The following SLC25A21 variants were observed in gnomAD, a reference collection of about 807,000 sequenced individuals.
SLC25A21 encodes solute carrier family 25 member 21.
Under a neutral mutation model 43.8 loss-of-function variants are expected in SLC25A21, and 47 were observed. That is an observed-to-expected ratio of 1.07 (90% CI 0.85 to 1.37). The LOEUF (loss-of-function observed/expected upper bound fraction) is 1.37, where lower values mean the gene tolerates loss of function less well. Ranked by LOEUF, SLC25A21 falls within the 40% of genes most tolerant of loss-of-function variation. The pLI is 0.00. For missense variants in SLC25A21, 352 were observed against 350.2 expected (o/e 1.00, Z -0.04); for synonymous variants, 131 against 121.3 (o/e 1.08, Z -0.52).
In SLC25A21 at chr14:37,155,980, G is replaced by A. The variant is rs562320180; in HGVS notation, c.70+16301C>T. Among the ~76,000 whole-genome samples the A allele has an allele frequency of 2.0e-5, 3 of 151,944 alleles. No homozygotes were observed. In the South Asian group the frequency reaches 6.2e-4, roughly 32 times the overall value. On this transcript the variant is annotated intron_variant, in intron 1 of 9. Coordinates refer to ENST00000331299, the MANE Select transcript of SLC25A21 (RefSeq NM_030631.4). Reference sequence around the variant, plus strand: ...TTGAGACCAGCCTGGCCAATATGACGAAACCCTGTCTCTACTAAAAATACA... The same window carrying A: ...TTGAGACCAGCCTGGCCAATATGACAAAACCCTGTCTCTACTAAAAATACA...
intron 7 of SLC25A21, among the ~76,000 whole-genome samples, chr14:36,688,718 TAATAAAAATAA>T (rs1375274416): frequency 6.6e-6 from 1 of 152,270 alleles, no homozygotes; most frequent in Non-Finnish European, 1.5e-5. Context: ...GTAACAATTT[TAATAAAAATAA>T]ACGTTGATTG....
rs571884650 is a variant in SLC25A21 at position 36,802,170 on chromosome 14, ACTAT to A, written c.203+11744_203+11747del. 1.4e-4 allele frequency among the ~76,000 whole-genome samples: 22 copies of A among 152,286 alleles called. No homozygotes were observed. The East Asian group carries it at 2.9e-3, about 20-fold the overall frequency. On this transcript the variant is annotated intron_variant, in intron 3 of 9. Coordinates refer to ENST00000331299, the MANE Select transcript of SLC25A21 (RefSeq NM_030631.4). ...TACCATGGGTGTCGTAAATTTTCTTACTATCTGTTTTGATTTGATTATACATTTT... is the reference window on the plus strand; with the variant it reads ...TACCATGGGTGTCGTAAATTTTCTTACTGTTTTGATTTGATTATACATTTT...
chr14:36,933,209 C>T (rs912742345), intron 1 of SLC25A21, among the ~76,000 whole-genome samples: 3 of 152,140 alleles, frequency 2.0e-5, no homozygotes, highest in Admixed American at 6.6e-5. Context: ...ACAAGATATA[C>T]AGTCTGTGTC....
At chr14:36,997,458 T>C (rs1349147062) in intron 1 of SLC25A21, among the ~76,000 whole-genome samples, 1 of 152,180 alleles carries the variant, frequency 6.6e-6, no homozygotes. Context: ...TAGTTAAGAA[T>C]AAATATTACT....
intron 1 of SLC25A21, among the ~76,000 whole-genome samples, chr14:36,952,570 G>C (rs1304128402): frequency 6.6e-6 from 1 of 151,988 alleles, no homozygotes; most frequent in Non-Finnish European, 1.5e-5. Flanking sequence ...TCCTGAGCAA[G>C]GACAAATGAC....
At chr14:37,011,505 C>A (rs536570162) in intron 1 of SLC25A21, among the ~76,000 whole-genome samples, 1 of 152,262 alleles carries the variant, frequency 6.6e-6, no homozygotes, top group African/African-American at 2.4e-5. Context: ...AAACATTCTA[C>A]TTTTACATAT....
intron 3 of SLC25A21, among the ~76,000 whole-genome samples, chr14:36,781,402 T>G (rs753799859): frequency 8.5e-5 from 13 of 152,184 alleles, no homozygotes; most frequent in Non-Finnish European, 1.8e-4. Flanking sequence ...CTTTGTTCCT[T>G]TTTACATCTT....
rs1214969920 is a variant in SLC25A21, at chr14:36,976,548, C to A, written c.71-101544G>T. 4.7e-5 allele frequency among the ~76,000 whole-genome samples: 7 copies of A among 149,570 alleles called. No individual in the cohort carries two copies. In the South Asian group the frequency reaches 8.4e-4, roughly 18 times the overall value. On this transcript the variant is annotated intron_variant, in intron 1 of 9. Transcript: ENST00000331299. ...GCCATGGCCTGTAGATAAAAAAAAA[C>A]AAAACAAAACAAATGCAAAGTGCCT...
chr14:37,021,586 T>A (rs1045941721), intron 1 of SLC25A21, among the ~76,000 whole-genome samples: 1 of 151,994 alleles, frequency 6.6e-6, no homozygotes, highest in Non-Finnish European at 1.5e-5. Context: ...ATGATTCTTC[T>A]GTGCAGACTT....
At chr14:37,161,860 G>A (rs1963946565) in intron 1 of SLC25A21, among the ~76,000 whole-genome samples, 2 of 151,764 alleles carry the variant, frequency 1.3e-5, no homozygotes, top group African/African-American at 2.4e-5. Flanking sequence ...CTACTCGGCA[G>A]GCTGAGGCAG....
intron 1 of SLC25A21, among the ~76,000 whole-genome samples, chr14:36,935,718 G>A (rs887631506): frequency 6.6e-6 from 1 of 152,064 alleles, no homozygotes; most frequent in South Asian, 2.1e-4. Flanking sequence ...GGTGGGATGG[G>A]CATCTTTCAA....
At chr14:36,800,869 C>T (rs1306656884) in intron 3 of SLC25A21, among the ~76,000 whole-genome samples, 1 of 152,104 alleles carries the variant, frequency 6.6e-6, no homozygotes, top group Non-Finnish European at 1.5e-5. Context: ...TTCTAAGGCC[C>T]TGTAACTTTT....
intron 2 of SLC25A21, among the ~76,000 whole-genome samples, chr14:36,849,431 T>C (rs1316205974): frequency 1.3e-5 from 2 of 152,224 alleles, no homozygotes; most frequent in East Asian, 3.8e-4. Context: ...AGGGCTTATA[T>C]ATTTATGTTT....
chr14:37,164,420 C>T (rs1963998149), intron 1 of SLC25A21, among the ~76,000 whole-genome samples: 1 of 152,148 alleles, frequency 6.6e-6, no homozygotes, highest in African/African-American at 2.4e-5. Context: ...TAAAGGCTCA[C>T]CTGTTTCAGT....
At chr14:36,901,843 T>C (rs771555950) in intron 1 of SLC25A21, among the ~76,000 whole-genome samples, 4 of 152,236 alleles carry the variant, frequency 2.6e-5, no homozygotes, top group Non-Finnish European at 2.9e-5. Flanking sequence ...AACTTCCTGT[T>C]CTTCATTCTG....
At chr14:36,894,528 T>C (rs1216119556) in intron 1 of SLC25A21, among the ~76,000 whole-genome samples, 1 of 152,068 alleles carries the variant, frequency 6.6e-6, no homozygotes, top group Non-Finnish European at 1.5e-5. Flanking sequence ...GAATACCCTT[T>C]ATTTCCTTCT....
chr14:36,706,402 T>C (rs1277137421), intron 7 of SLC25A21, among the ~76,000 whole-genome samples: 1 of 152,168 alleles, frequency 6.6e-6, no homozygotes, highest in Admixed American at 6.6e-5. Context: ...TCAAGGTCAT[T>C]CCACCAGTAA....
intron 3 of SLC25A21, among the ~76,000 whole-genome samples, chr14:36,798,369 G>A (rs1887745531): frequency 6.6e-6 from 1 of 152,134 alleles, no homozygotes; most frequent in Non-Finnish European, 1.5e-5. Context: ...TAAGAAGTGT[G>A]AAGAAACCTG....
rs560991234 is a variant in SLC25A21, at chr14:37,028,137, C to T, written c.70+144144G>A. On this transcript the variant is annotated intron_variant, in intron 1 of 9. Transcript: ENST00000331299. ...CTGTAAATATTTTTTTGTAAGGAGA[C>T]GTGTGTATAAACAGCAAACAATGAA... 1.3e-4 allele frequency among the ~76,000 whole-genome samples: 19 copies of T among 151,932 alleles called. No homozygotes were observed. In the South Asian group the frequency reaches 2.1e-3, roughly 17 times the overall value.
Sources: allele counts gnomAD v4.1 joint callset (sites outside exome capture counted in the v4.1 genomes callset), GRCh38; gene constraint gnomAD v4.1.1; transcripts MANE v1.5; gene names NCBI Gene and HGNC (gene_info 2026-07-23, HGNC 2026-07-21).